Variants in ZFPM2 observed in about 807,000 individuals in gnomAD.
ZFPM2 encodes zinc finger protein, FOG family member 2.
In ZFPM2, 20 loss-of-function variants were observed where a neutral mutation model predicts 98.6. The observed-to-expected ratio is 0.20, with a 90% confidence interval of 0.14 to 0.29. ZFPM2 has a LOEUF of 0.29. Ranked by LOEUF, ZFPM2 falls within the 10% of genes least tolerant of loss-of-function variation. The pLI is 1.00. For missense variants in ZFPM2, 1,310 were observed against 1,388.6 expected (o/e 0.94, Z 0.90); for synonymous variants, 518 against 502.7 (o/e 1.03, Z -0.41).
chr8:105,678,230 CTT>C (rs2130915942), intron 5 of ZFPM2, among the ~76,000 whole-genome samples: 1 of 152,260 alleles, frequency 6.6e-6, no homozygotes, highest in African/African-American at 2.4e-5. Context: ...TCAGCCCTCT[CTT>C]TGCTTTTCCA....
At chr8:105,703,430 A>AT (rs1811183945) in intron 5 of ZFPM2, among the ~76,000 whole-genome samples, 1 of 152,212 alleles carries the variant, frequency 6.6e-6, no homozygotes, top group Non-Finnish European at 1.5e-5. Context: ...TTTGGCAGTA[A>AT]TTCAGTAAAG....
chr8:105,604,907 G>A (rs1432404262), intron 4 of ZFPM2, among the ~76,000 whole-genome samples: 2 of 151,894 alleles, frequency 1.3e-5, no homozygotes, highest in Non-Finnish European at 2.9e-5. Context: ...AGATTATCTT[G>A]TATGTTTTGC....
At chr8:105,482,474 T>C (rs1813139786) in intron 3 of ZFPM2, among the ~76,000 whole-genome samples, 1 of 152,312 alleles carries the variant, frequency 6.6e-6, no homozygotes, top group Non-Finnish European at 1.5e-5. Flanking sequence ...TTTTACCATA[T>C]AATATGGTAT....
chr8:105,554,666 T>C (rs1227489999), intron 3 of ZFPM2, among the ~76,000 whole-genome samples: 3 of 152,182 alleles, frequency 2.0e-5, no homozygotes, highest in Non-Finnish European at 4.4e-5. Context: ...GAATTGTATT[T>C]TCAGCAAATG....
intron 5 of ZFPM2, among the ~76,000 whole-genome samples, chr8:105,754,223 C>T (rs1021282409): frequency 5.9e-5 from 9 of 152,102 alleles, no homozygotes; most frequent in African/African-American, 2.2e-4. Context: ...CAGTTATACA[C>T]GATGAGGGAG....
At chr8:105,378,354 A>C (rs1229931981) in intron 1 of ZFPM2, among the ~76,000 whole-genome samples, 1 of 152,134 alleles carries the variant, frequency 6.6e-6, no homozygotes, top group Non-Finnish European at 1.5e-5. Context: ...TTTCTTATGA[A>C]AACTTACGAT....
At chr8:105,654,082 C>G (rs1308389719) in intron 5 of ZFPM2, among the ~76,000 whole-genome samples, 1 of 151,510 alleles carries the variant, frequency 6.6e-6, no homozygotes, top group South Asian at 2.1e-4. Flanking sequence ...GCCTTCAAAT[C>G]AATTCATTGT....
chr8:105,748,733 A>G (rs1286676019), intron 5 of ZFPM2, among the ~76,000 whole-genome samples: 1 of 152,090 alleles, frequency 6.6e-6, no homozygotes, highest in East Asian at 1.9e-4. Context: ...TTGAAGTACT[A>G]AACTGATAGC....
chr8:105,783,169 A>C (rs1202084220), intron 5 of ZFPM2, among the ~76,000 whole-genome samples: 1 of 151,116 alleles, frequency 6.6e-6, no homozygotes, highest in Non-Finnish European at 1.5e-5. Context: ...CTTTGCTAGG[A>C]AAGTCGAGAA....
intron 2 of ZFPM2, among the ~76,000 whole-genome samples, chr8:105,437,790 C>G (rs1243479240): frequency 6.6e-6 from 1 of 152,118 alleles, no homozygotes; most frequent in Non-Finnish European, 1.5e-5. Flanking sequence ...CGCCTGTAAT[C>G]CCAGCACTTT....
intron 4 of ZFPM2, among the ~76,000 whole-genome samples, chr8:105,593,618 T>A (rs941247120): frequency 6.0e-5 from 9 of 149,946 alleles, no homozygotes; most frequent in African/African-American, 2.0e-4. Context: ...TGTAAGCTAA[T>A]GCCAGTTTCT....
intron 5 of ZFPM2, among the ~76,000 whole-genome samples, chr8:105,704,333 T>C (rs183952923): frequency 2.3e-4 from 35 of 152,274 alleles, no homozygotes; most frequent in African/African-American, 7.9e-4. Context: ...TGGCAGAAAA[T>C]TGGATGCAGC....
intron 1 of ZFPM2, among the ~76,000 whole-genome samples, chr8:105,408,130 G>C (rs1346189507): frequency 1.3e-5 from 2 of 151,826 alleles, no homozygotes; most frequent in East Asian, 3.9e-4. Context: ...TACAGGTTGC[G>C]ATTGCTTGAG....
intron 4 of ZFPM2, among the ~76,000 whole-genome samples, chr8:105,619,002 T>A (rs973098286): frequency 2.6e-5 from 4 of 152,206 alleles, no homozygotes; most frequent in Non-Finnish European, 5.9e-5. Flanking sequence ...ATTAAAATGA[T>A]GTTTAATAGA....
At chr8:105,793,502 T>TCTGG (rs1000360689) in intron 6 of ZFPM2, among the ~76,000 whole-genome samples, 6 of 152,200 alleles carry the variant, frequency 3.9e-5, no homozygotes, top group African/African-American at 1.4e-4. Context: ...GTCCTTTCTC[T>TCTGG]CTGGCTGCCC....
At chr8:105,675,120 G>T (rs1395656557) in intron 5 of ZFPM2, among the ~76,000 whole-genome samples, 1 of 152,134 alleles carries the variant, frequency 6.6e-6, no homozygotes, top group African/African-American at 2.4e-5. Flanking sequence ...TAGAGAATAT[G>T]TCAAAATATA....
At chr8:105,559,173 G>A (rs1281399122) in intron 3 of ZFPM2, among the ~76,000 whole-genome samples, 1 of 151,982 alleles carries the variant, frequency 6.6e-6, no homozygotes, top group Admixed American at 6.6e-5. Context: ...CATTTTCAGA[G>A]GAAAATCTCA....
At chr8:105,708,216 A>G (rs1415655512) in intron 5 of ZFPM2, among the ~76,000 whole-genome samples, 2 of 152,198 alleles carry the variant, frequency 1.3e-5, no homozygotes, top group African/African-American at 2.4e-5. Flanking sequence ...CCATATTCTT[A>G]TAATAATTGG....
At chr8:105,441,713 C>A (rs773672737) in intron 2 of ZFPM2, among the ~76,000 whole-genome samples, 20 of 152,018 alleles carry the variant, frequency 1.3e-4, no homozygotes, top group Non-Finnish European at 2.2e-4. Context: ...TCAGTACTTA[C>A]ATGTATGTAG....
Sources: allele counts gnomAD v4.1 joint callset (sites outside exome capture counted in the v4.1 genomes callset), GRCh38; gene constraint gnomAD v4.1.1; transcripts MANE v1.5; gene names NCBI Gene and HGNC (gene_info 2026-07-23, HGNC 2026-07-21).